Variants in NEK9 observed in about 807,000 individuals in gnomAD.
The protein encoded by NEK9 is NIMA related kinase 9, also known as serine/threonine-protein kinase Nek9.
In NEK9, 75 loss-of-function variants were observed where a neutral mutation model predicts 123.4. That is an observed-to-expected ratio of 0.61 (90% CI 0.50 to 0.74). The LOEUF (loss-of-function observed/expected upper bound fraction) is 0.74. NEK9 is among the 30% of genes least tolerant of loss of function. The probability of loss-of-function intolerance (pLI) is 0.00; values close to 1 mark genes in which losing one functional copy is unlikely to be tolerated. For synonymous variants in NEK9, 438 were observed against 458.7 expected (o/e 0.95, Z 0.58); for missense variants, 952 against 1,214.4 (o/e 0.78, Z 3.21).
intron 12 of NEK9, 117 bp downstream of exon 12, chr14:75,106,385 A>AT: frequency 1.5e-6 from 1 of 648,570 alleles, no homozygotes; most frequent in Non-Finnish European, 2.6e-6. Flanking sequence ...AAAAAAAAAA[A>AT]GATTTACTGA....
Position 75,124,220 on chromosome 14 carries a change from C to T in NEK9, c.223G>A (p.Asp75Asn). Residue 75 changes from aspartate (D) to asparagine (N), a missense_variant, in exon 2 of 22, where the codon GAC (aspartate) becomes AAC (asparagine). Asp to Asn is a conservative substitution (Grantham distance 23). This residue lies in a region of NEK9 where 106 missense variants were observed against 153.0 expected (regional missense o/e 0.69). Transcript: ENST00000238616. ...ACTTCCTTCCACACAACCAGTGAGTCATCCTAAACACAGTAACAGAGGTAT... is the reference window on the plus strand; with the variant it reads ...ACTTCCTTCCACACAACCAGTGAGTTATCCTAAACACAGTAACAGAGGTAT... The part of the protein sequence containing the change: ...EATLYRRTED[D>N]SLVVWKEVDL... The T allele has an allele frequency of 6.2e-7, 1 of 1,613,564 alleles. No homozygotes were observed. The highest frequency in any genetic ancestry group is 8.5e-7 in the Non-Finnish European group (1 of 1,179,568).
At chr14:75,112,114 T>A (rs1239887982) in intron 8 of NEK9, among the ~76,000 whole-genome samples, 1 of 152,044 alleles carries the variant, frequency 6.6e-6, no homozygotes, top group Non-Finnish European at 1.5e-5. Context: ...CAGAAAAGAT[T>A]AATTAAATGG....
intron 6 of NEK9, among the ~76,000 whole-genome samples, chr14:75,115,114 T>TACAC (rs10632881): frequency 0.44 from 64,264 of 146,112 alleles, 12,606 homozygotes; most frequent in East Asian, 0.73. Flanking sequence ...CGTGTGTGCG[T>TACAC]ACACACACAC....
Position 75,119,264 on chromosome 14 carries a change from G to T in NEK9, c.525-329C>A, listed in dbSNP as rs1196129520. Among the ~76,000 whole-genome samples, 3 of 151,556 alleles carry T rather than the reference G, an allele frequency of 2.0e-5. No individual in the cohort carries two copies. The East Asian group carries it at 5.8e-4, about 29-fold the overall frequency. On this transcript the variant is annotated intron_variant, in intron 4 of 21. Coordinates refer to ENST00000238616, the MANE Select transcript of NEK9 (RefSeq NM_033116.6). ...GGAGGCTGAGGCTGCAGTGAGTCAT[G>T]ATTGCACCACTACATTCCAGCCTGG...
rs1893906602 is a variant in NEK9 at position 75,082,842 on chromosome 14, T to C, written c.*1722A>G. The C allele has an allele frequency of 2.5e-6, 1 of 397,434 alleles. No individual in the cohort carries two copies. The highest frequency in any genetic ancestry group is 4.4e-6 in the Non-Finnish European group (1 of 225,910). 24.6% of individuals were successfully genotyped at this position (397,434 alleles called of 1,614,324 possible). A position where few individuals can be genotyped will look rare whatever the true frequency, so the allele number is the denominator to read the frequency against. On this transcript the variant is annotated 3_prime_UTR_variant, in exon 22 of 22. Coordinates refer to ENST00000238616, the MANE Select transcript of NEK9 (RefSeq NM_033116.6). ...AACCAAAACCCACTGTTACAGTTTATGACAACCCCCGCAAGTCCCCAGAAC... is the reference window on the plus strand; with the variant it reads ...AACCAAAACCCACTGTTACAGTTTACGACAACCCCCGCAAGTCCCCAGAAC...
At position 75,113,376 on chromosome 14, in the gene NEK9, C is replaced by T. The variant is rs776105342; in HGVS notation, c.901G>A (p.Glu301Lys). 45 of 1,613,654 alleles carry T rather than the reference C, an allele frequency of 2.8e-5. No individual in the cohort carries two copies. The highest frequency in any genetic ancestry group is 3.6e-5 in the Non-Finnish European group (43 of 1,179,748). The stretch of plus-strand genomic sequence containing the variant: ...CTGAGAAGAGGGCGATCTAGAAGTT[C>T]ATCTGCAGTAGGTCTCTGCTCAGGA... ...QDPEQRPTAD[E>K]LLDRPLLRKR... Residue 301 changes from glutamate (E) to lysine (K), a missense_variant, in exon 8 of 22, where the codon GAA (glutamate) becomes AAA (lysine). Coordinates refer to ENST00000238616, the MANE Select transcript of NEK9 (RefSeq NM_033116.6).
chr14:75,114,361 G>T, intron 6 of NEK9, 48 bp from the exon 7 acceptor site: 1 of 1,411,002 alleles, frequency 7.1e-7, no homozygotes, highest in Non-Finnish European at 1.0e-6. Flanking sequence ...TAAAGATGAT[G>T]CTATACTCTA....
Position 75,081,690 on chromosome 14 carries a change from G to C in NEK9, c.*2874C>G, listed in dbSNP as rs1893872457. Reference sequence around the variant, plus strand: ...AAACTTCAGTGAAATGCTCAGCCAAGAGAAGTTGTAACTTGGCTGTGCTAT... The same window carrying C: ...AAACTTCAGTGAAATGCTCAGCCAACAGAAGTTGTAACTTGGCTGTGCTAT... On this transcript the variant is annotated 3_prime_UTR_variant, in exon 22 of 22. Coordinates refer to ENST00000238616, the MANE Select transcript of NEK9 (RefSeq NM_033116.6). The surrounding 1 kb of genome is among the most constrained non-coding windows in gnomAD (Gnocchi z 4.2). 1 of 152,168 alleles carries C rather than the reference G, an allele frequency of 6.6e-6. No homozygotes were observed. Among genetic ancestry groups the C allele is most frequent in the South Asian group, 2.1e-4 (1 of 4,826 alleles). The allele number at this position is 152,168 out of a possible 1,614,324, so 9.4% of individuals were successfully genotyped here.
rs1389206278 is a variant in NEK9, at chr14:75,097,089, G to A, written c.2173+11C>T. 1 of 1,594,184 alleles carries A rather than the reference G, an allele frequency of 6.3e-7. No homozygotes were observed. The highest frequency in any genetic ancestry group is 1.7e-5 in the Admixed American group (1 of 57,792). Reference sequence around the variant, plus strand: ...AAAGCCATCCCAACCCCAGACATATGAAACTCTTACCAACGATGAGAATGG... The same window carrying A: ...AAAGCCATCCCAACCCCAGACATATAAAACTCTTACCAACGATGAGAATGG... On this transcript the variant is annotated intron_variant, in intron 17 of 21. Coordinates refer to ENST00000238616, the MANE Select transcript of NEK9 (RefSeq NM_033116.6).
intron 1 of NEK9, among the ~76,000 whole-genome samples, chr14:75,126,083 G>C (rs562362787): frequency 1.3e-5 from 2 of 152,272 alleles, no homozygotes; most frequent in East Asian, 1.9e-4. Context: ...AGAACTAATG[G>C]CTTAGAATAT....
At chr14:75,115,016 CATAT>C (rs561688803) in intron 6 of NEK9, among the ~76,000 whole-genome samples, 2 of 150,940 alleles carry the variant, frequency 1.3e-5, no homozygotes, top group African/African-American at 4.9e-5. Flanking sequence ...TATACACACA[CATAT>C]ATGTGTATAT....
chr14:75,087,269 A>G, intron 20 of NEK9, 39 bp from the exon 21 acceptor site: 1 of 1,523,024 alleles, frequency 6.6e-7, no homozygotes, highest in East Asian at 2.3e-5. Context: ...GGTTCTGCCC[A>G]GGTGTCATAG....
At chr14:75,092,238 C>T (rs972371867) in intron 18 of NEK9, among the ~76,000 whole-genome samples, 2 of 150,720 alleles carry the variant, frequency 1.3e-5, no homozygotes, top group East Asian at 1.9e-4. Context: ...TCCCAAAGTG[C>T]TGGGATTACA....
At chr14:75,089,925 T>C (rs1159706230) in intron 19 of NEK9, among the ~76,000 whole-genome samples, 1 of 150,908 alleles carries the variant, frequency 6.6e-6, no homozygotes, top group Non-Finnish European at 1.5e-5. Context: ...TCTTGATCTC[T>C]TGACCTTGTG....
upstream of NEK9, chr14:75,127,089 C>A: frequency 1.8e-6 from 1 of 565,588 alleles, no homozygotes; most frequent in Non-Finnish European, 3.0e-6. Context: ...TCTGTGTTTC[C>A]GGCCTGGCTG....
intron 17 of NEK9, chr14:75,096,619 C>A (rs1894392271): frequency 6.6e-6 from 1 of 152,248 alleles, no homozygotes; most frequent in Non-Finnish European, 1.5e-5. Context: ...GAGTTCTAGA[C>A]CAGCCTGGCC....
intron 16 of NEK9, among the ~76,000 whole-genome samples, chr14:75,099,196 A>G (rs1894481230): frequency 6.6e-6 from 1 of 151,692 alleles, no homozygotes; most frequent in Non-Finnish European, 1.5e-5. Flanking sequence ...ATGGTGGCAC[A>G]CGCCTGTAAT....
chr14:75,113,730 G>A (rs376166512), intron 7 of NEK9, among the ~76,000 whole-genome samples: 2 of 152,108 alleles, frequency 1.3e-5, no homozygotes, highest in East Asian at 3.9e-4. Flanking sequence ...GAGTTCGTCT[G>A]GGGTGGGGCC....
rs764926371 is a variant in NEK9, at chr14:75,107,317, TAA to T, written c.1327+24_1327+25del. 3.1e-6 allele frequency: 5 copies of T among 1,607,522 alleles called. No individual in the cohort carries two copies. In the African/African-American group the frequency reaches 5.4e-5, roughly 17 times the overall value. On this transcript the variant is annotated intron_variant, in intron 11 of 21. Coordinates refer to ENST00000238616, the MANE Select transcript of NEK9 (RefSeq NM_033116.6). ...AAAATACCCCCACATTAAATGCACTTAAGACACTTTCTGCTGATGGCTTACCA... is the reference window on the plus strand; with the variant it reads ...AAAATACCCCCACATTAAATGCACTTGACACTTTCTGCTGATGGCTTACCA...
Sources: allele counts gnomAD v4.1 joint callset (sites outside exome capture counted in the v4.1 genomes callset), GRCh38; gene constraint gnomAD v4.1.1; regional missense constraint gnomAD v4.1.1; non-coding constraint Gnocchi (gnomAD v3.1); transcripts MANE v1.5; gene names NCBI Gene and HGNC (gene_info 2026-07-23, HGNC 2026-07-21).